WNT7B: variants seen among roughly 807,000 people sequenced by gnomAD.
The protein encoded by WNT7B is Wnt family member 7B, also known as protein Wnt-7b.
Under a neutral mutation model 38.2 loss-of-function variants are expected in WNT7B, and 19 were observed. The ratio of observed to expected loss-of-function variants is 0.50; its 90% CI spans 0.35 to 0.73. The LOEUF (loss-of-function observed/expected upper bound fraction) is 0.73. WNT7B is among the 30% of genes least tolerant of loss of function. The pLI is 0.01. For missense variants in WNT7B, 423 were observed against 507.9 expected (o/e 0.83, Z 1.61); for synonymous variants, 243 against 209.3 (o/e 1.16, Z -1.39).
At chr22:45,963,307 G>A (rs1932237480) in intron 1 of WNT7B, among the ~76,000 whole-genome samples, 2 of 152,084 alleles carry the variant, frequency 1.3e-5, no homozygotes, top group African/African-American at 4.8e-5. Context: ...CTCCCTCCAA[G>A]AATTCCTAGG....
intron 1 of WNT7B, among the ~76,000 whole-genome samples, chr22:45,968,644 A>C (rs1222366681): frequency 6.6e-6 from 1 of 152,186 alleles, no homozygotes; most frequent in Non-Finnish European, 1.5e-5. Flanking sequence ...TCCAGGATGC[A>C]CATTCTCCCC....
Position 45,920,692 on chromosome 22 carries a change from TGGGGTCA to T in WNT7B, c.*2157_*2163del, listed in dbSNP as rs1329343816. On this transcript the variant is annotated 3_prime_UTR_variant, in exon 4 of 4. Transcript: ENST00000339464. ...TAGGGATGAGGGATGGGATGGGGGA[TGGGGTCA>T]GGGATGGGATGGGGGATGGGATGAG... is the stretch of plus-strand genomic sequence containing the variant. 1 of 27,784 alleles carries T rather than the reference TGGGGTCA, an allele frequency of 3.6e-5. No individual in the cohort carries two copies. The highest frequency in any genetic ancestry group is 6.1e-5 in the Non-Finnish European group (1 of 16,480). The allele number at this position is 27,784 out of a possible 1,614,324, so 1.7% of individuals were successfully genotyped here.
chr22:45,929,349 C>T (rs1013084349), intron 3 of WNT7B, among the ~76,000 whole-genome samples: 1 of 151,588 alleles, frequency 6.6e-6, no homozygotes, highest in Admixed American at 6.6e-5. Flanking sequence ...GTCACTCATT[C>T]CTTTATCCAT....
intron 1 of WNT7B, among the ~76,000 whole-genome samples, chr22:45,959,972 C>G (rs1268949797): frequency 6.6e-6 from 1 of 152,214 alleles, no homozygotes; most frequent in Non-Finnish European, 1.5e-5. Context: ...TCTGCCCTCC[C>G]CCGCAGATAA....
chr22:45,971,327 G>A (rs976085848), intron 1 of WNT7B, among the ~76,000 whole-genome samples: 1 of 152,318 alleles, frequency 6.6e-6, no homozygotes, highest in East Asian at 1.9e-4. Flanking sequence ...CCCAAACGGC[G>A]GTTCCATAAA....
chr22:45,926,689 T>C, intron 3 of WNT7B: 1 of 980,514 alleles, frequency 1.0e-6, no homozygotes, highest in Non-Finnish European at 1.2e-6. Context: ...TGCTGGCCGG[T>C]CCCTGCCCCT....
intron 2 of WNT7B, among the ~76,000 whole-genome samples, chr22:45,931,678 C>A (rs1386836918): frequency 6.6e-6 from 1 of 152,200 alleles, no homozygotes; most frequent in African/African-American, 2.4e-5. Flanking sequence ...AGCTTCTCTC[C>A]CTGTTCCCAA....
rs1014412288 is a variant in WNT7B at position 45,975,632 on chromosome 22, C to A, written c.71+1052G>T. 2 of 713,162 alleles carry A rather than the reference C, an allele frequency of 2.8e-6. No individual in the cohort carries two copies. The highest frequency in any genetic ancestry group is 3.5e-5 in the African/African-American group (2 of 57,218). 44.2% of individuals were successfully genotyped at this position (713,162 alleles called of 1,614,324 possible). A position where few individuals can be genotyped will look rare whatever the true frequency, so the allele number is the denominator to read the frequency against. On this transcript the variant is annotated intron_variant, in intron 1 of 3. Coordinates refer to ENST00000339464, the MANE Select transcript of WNT7B (RefSeq NM_058238.3). This position sits in a 1 kb window ranked among gnomAD's most constrained non-coding sequence, Gnocchi z 6.6. ...TTCCACCTCTCCGCCTGGGAAGCCG[C>A]GTCTCCCACCAGTGGTACCTGCACC...
Position 45,949,930 on chromosome 22 carries a change from C to T in WNT7B, c.288G>A (p.Glu96=). The T allele has an allele frequency of 6.2e-7, 1 of 1,608,452 alleles. No homozygotes were observed. Among genetic ancestry groups the T allele is most frequent in the Non-Finnish European group, 8.5e-7 (1 of 1,175,936 alleles). ...CAGAGGCGCCCTTACCTACTCGGAGCTCTTGCCCGAAGACGGTCTTCTCGC... is the reference window on the plus strand; with the variant it reads ...CAGAGGCGCCCTTACCTACTCGGAGTTCTTGCCCGAAGACGGTCTTCTCGC... ...ALGEKTVFGQ[E]LRVGSREAAF... Residue 96 remains glutamate, a synonymous_variant, in exon 2 of 4, where the codon GAG becomes GAA. Transcript: ENST00000339464.
At chr22:45,924,638 C>T (rs1931019287) in intron 3 of WNT7B, among the ~76,000 whole-genome samples, 1 of 152,164 alleles carries the variant, frequency 6.6e-6, no homozygotes, top group African/African-American at 2.4e-5. Flanking sequence ...GGCCCAAAGG[C>T]TCATCAGGTG....
At position 45,951,928 on chromosome 22, in the gene WNT7B, T is replaced by G. The variant is rs534268685; in HGVS notation, c.72-1782A>C. ...GCTGGGTCAGGTGGTCCCTTCGCTTTCTGAGGACTTGCCGGACTGCCCTCC... is the reference window on the plus strand; with the variant it reads ...GCTGGGTCAGGTGGTCCCTTCGCTTGCTGAGGACTTGCCGGACTGCCCTCC... On this transcript the variant is annotated intron_variant, in intron 1 of 3. Coordinates refer to ENST00000339464, the MANE Select transcript of WNT7B (RefSeq NM_058238.3). The surrounding 1 kb of genome is among the most constrained non-coding windows in gnomAD (Gnocchi z 4.8). Among the ~76,000 whole-genome samples, 7 of 152,344 alleles carry G rather than the reference T, an allele frequency of 4.6e-5. No homozygotes were observed. Among genetic ancestry groups the G allele is most frequent in the Non-Finnish European group, 7.3e-5 (5 of 68,034 alleles).
chr22:45,956,901 A>G lies in WNT7B; in HGVS notation c.72-6755T>C, dbSNP rs533714047. ...GATGGGTGGATCATGAAGTCAGGAGATCGAGACCATCCTGGCCAACACGGT... is the reference window on the plus strand; with the variant it reads ...GATGGGTGGATCATGAAGTCAGGAGGTCGAGACCATCCTGGCCAACACGGT... On this transcript the variant is annotated intron_variant, in intron 1 of 3. Coordinates refer to ENST00000339464, the MANE Select transcript of WNT7B (RefSeq NM_058238.3). 1.8e-4 allele frequency among the ~76,000 whole-genome samples: 27 copies of G among 152,174 alleles called. No individual in the cohort carries two copies. The South Asian group carries it at 5.6e-3, about 32-fold the overall frequency.
At chr22:45,923,443 G>A (rs983698186) in intron 3 of WNT7B, 108 bp from the exon 4 acceptor site, 3 of 1,453,010 alleles carry the variant, frequency 2.1e-6, no homozygotes, top group African/African-American at 2.8e-5. Flanking sequence ...CCTCCCCTTG[G>A]GCTGTGTGAC....
rs1406440038 is a variant in WNT7B, at chr22:45,947,712, C to T, written c.298+2208G>A. 2.0e-5 allele frequency among the ~76,000 whole-genome samples: 3 copies of T among 152,196 alleles called. No homozygotes were observed. In the East Asian group the frequency reaches 5.8e-4, roughly 29 times the overall value. On this transcript the variant is annotated intron_variant, in intron 2 of 3. Transcript: ENST00000339464. ...GGAAAAGTTGACACCAGGAAGGTCA[C>T]AAGCGGCCCAGACCAAGAGCAGTAG... is the stretch of plus-strand genomic sequence containing the variant.
chr22:45,975,525 T>C lies in WNT7B; in HGVS notation c.71+1159A>G, dbSNP rs1472997536. 1.4e-6 allele frequency: 1 copy of C among 716,392 alleles called. No homozygotes were observed. The highest frequency in any genetic ancestry group is 2.0e-5 in the Admixed American group (1 of 49,916). 44.4% of individuals were successfully genotyped at this position (716,392 alleles called of 1,614,324 possible). A position where few individuals can be genotyped will look rare whatever the true frequency, so the allele number is the denominator to read the frequency against. On this transcript the variant is annotated intron_variant, in intron 1 of 3. Transcript: ENST00000339464. The surrounding 1 kb of genome is among the most constrained non-coding windows in gnomAD (Gnocchi z 6.6). Reference sequence around the variant, plus strand: ...GCCACTGGCTTTGTCTCTGCAGGCCTTGGGCCTCAGTTTCTCCACCTGTAA... The same window carrying C: ...GCCACTGGCTTTGTCTCTGCAGGCCCTGGGCCTCAGTTTCTCCACCTGTAA...
chr22:45,960,054 G>A (rs936175678), intron 1 of WNT7B, among the ~76,000 whole-genome samples: 1 of 152,154 alleles, frequency 6.6e-6, no homozygotes, highest in African/African-American at 2.4e-5. Context: ...CTGCCCCCAG[G>A]GCACCCACCA....
chr22:45,976,819 G>C lies in WNT7B; in HGVS notation c.-65C>G. 2.0e-6 allele frequency: 3 copies of C among 1,494,180 alleles called. No homozygotes were observed. The highest frequency in any genetic ancestry group is 2.7e-6 in the Non-Finnish European group (3 of 1,110,670). The allele number at this position is 1,494,180 out of a possible 1,614,324, so 92.6% of individuals were successfully genotyped here. A position where few individuals can be genotyped will look rare whatever the true frequency, so the allele number is the denominator to read the frequency against. On this transcript the variant is annotated 5_prime_UTR_variant, in exon 1 of 4. Coordinates refer to ENST00000339464, the MANE Select transcript of WNT7B (RefSeq NM_058238.3). This position sits in a 1 kb window ranked among gnomAD's most constrained non-coding sequence, Gnocchi z 8.5. The stretch of plus-strand genomic sequence containing the variant: ...GGAGGGGACGCGCGGGCCCGGCAGG[G>C]CCGGGCAGGGGCCAGGGGGCTGCGG...
At chr22:45,967,157 C>T (rs949881943) in intron 1 of WNT7B, among the ~76,000 whole-genome samples, 15 of 152,336 alleles carry the variant, frequency 9.8e-5, no homozygotes, top group Middle Eastern at 3.4e-3. Flanking sequence ...CCCAGCCCTG[C>T]GCCAGGGACG....
chr22:45,976,846 C>G lies in WNT7B; in HGVS notation c.-92G>C. The G allele has an allele frequency of 8.4e-7, 1 of 1,188,324 alleles. No homozygotes were observed. The highest frequency in any genetic ancestry group is 2.3e-5 in the South Asian group (1 of 43,712). The allele number at this position is 1,188,324 out of a possible 1,614,324, so 73.6% of individuals were successfully genotyped here. Reference sequence around the variant, plus strand: ...CGGGCAGGGGCCAGGGGGCTGCGGGCAGACTGCGCTCAGCCCGCGCTGCGG... The same window carrying G: ...CGGGCAGGGGCCAGGGGGCTGCGGGGAGACTGCGCTCAGCCCGCGCTGCGG... On this transcript the variant is annotated 5_prime_UTR_variant, in exon 1 of 4. Coordinates refer to ENST00000339464, the MANE Select transcript of WNT7B (RefSeq NM_058238.3). The surrounding 1 kb of genome is among the most constrained non-coding windows in gnomAD (Gnocchi z 8.5).
Sources: gnomAD v4.1 joint callset for allele counts (sites outside exome capture counted in the v4.1 genomes callset) on GRCh38, gnomAD v4.1.1 for gene constraint, Gnocchi (gnomAD v3.1) non-coding constraint, MANE v1.5 for transcripts, NCBI Gene and HGNC (gene_info 2026-07-23, HGNC 2026-07-21) for gene names.